BNIP1: variants seen among roughly 807,000 people sequenced by gnomAD.
BNIP1 encodes BCL2 interacting protein 1.
BNIP1 carries 25 observed loss-of-function variants against 28.5 expected under a neutral mutation model. The ratio of observed to expected loss-of-function variants is 0.88; its 90% CI spans 0.64 to 1.23. The LOEUF is 1.23. Ranked by LOEUF, BNIP1 falls within the 50% of genes most tolerant of loss-of-function variation. The pLI is 0.00. For synonymous variants in BNIP1, 118 were observed against 101.7 expected, an observed-to-expected ratio of 1.16 and a Z score of -0.96; for missense variants, 276 against 277.0, an observed-to-expected ratio of 1.00 and a Z score of 0.02.
chr5:173,160,239 CTT>C (rs10693152), intron 5 of BNIP1, among the ~76,000 whole-genome samples, 188 bp downstream of exon 5: 1 of 145,694 alleles, frequency 6.9e-6, no homozygotes, highest in African/African-American at 2.5e-5. Flanking sequence ...TCCTATTTCT[CTT>C]TTTTTTTTTT....
chr5:173,151,757 C>T, intron 2 of BNIP1: 1 of 1,602,272 alleles, frequency 6.2e-7, no homozygotes, highest in Admixed American at 1.7e-5. Context: ...TTCCTTCACT[C>T]ATTAAAATGA....
chr5:173,158,622 C>G (rs1246169438), intron 3 of BNIP1, 122 bp from the exon 4 acceptor site: 1 of 680,700 alleles, frequency 1.5e-6, no homozygotes, highest in Non-Finnish European at 2.5e-6. Context: ...GTGGGATGGG[C>G]TCTGAAGGCC....
intron 2 of BNIP1, among the ~76,000 whole-genome samples, chr5:173,153,640 CAG>C (rs1274808683): frequency 6.6e-6 from 1 of 152,126 alleles, no homozygotes; most frequent in East Asian, 1.9e-4. Context: ...TATAAATTCT[CAG>C]GGGAGTTTTT....
chr5:173,155,606 GAGA>G (rs1760161497), intron 3 of BNIP1, among the ~76,000 whole-genome samples: 1 of 152,076 alleles, frequency 6.6e-6, no homozygotes, highest in Non-Finnish European at 1.5e-5. Context: ...GCTGAGGCAG[GAGA>G]ATCGCTTGAG....
intron 2 of BNIP1, among the ~76,000 whole-genome samples, chr5:173,154,057 G>T (rs575106047): frequency 1.3e-5 from 2 of 152,188 alleles, no homozygotes; most frequent in Admixed American, 1.3e-4. Flanking sequence ...CTGACGCCAG[G>T]ACAGCCGTGC....
Position 173,160,046 on chromosome 5 carries a change from C to T in BNIP1, c.485C>T (p.Ser162Phe). 1 of 1,613,596 alleles carries T rather than the reference C, an allele frequency of 6.2e-7. No individual in the cohort carries two copies. Among genetic ancestry groups the T allele is most frequent in the Non-Finnish European group, 8.5e-7 (1 of 1,179,830 alleles). ...QVQQSEEAMQ[S>F]LVTSSRTILD... is the part of the protein sequence containing the mutation. ...CAGCAGAGCGAGGAGGCCATGCAGT[C>T]TCTAGGTAAAGCTGGGCCTGGAGTA... is the stretch of plus-strand genomic sequence containing the variant. Residue 162 changes from serine to phenylalanine, a missense_variant, in exon 5 of 6, where the codon TCT becomes TTT. Coordinates refer to ENST00000351486, the MANE Select transcript of BNIP1 (RefSeq NM_001205.3).
rs575766889 is a variant in BNIP1, at chr5:173,155,878, G to C, written c.269+1465G>C. Among the ~76,000 whole-genome samples the C allele has an allele frequency of 2.3e-4, 35 of 151,856 alleles. No homozygotes were observed. In the South Asian group the frequency reaches 6.6e-3, roughly 29 times the overall value. On this transcript the variant is annotated intron_variant, in intron 3 of 5. Transcript: ENST00000351486. ...ACTACAGCACACTCCACCGTGCCTG[G>C]CTAAATCATTCTCTTTTGAAACCCC...
intron 4 of BNIP1, 33 bp from the exon 5 acceptor site, chr5:173,159,900 A>G: frequency 6.3e-7 from 1 of 1,596,248 alleles, no homozygotes; most frequent in Non-Finnish European, 8.6e-7. Context: ...TTTTGTTGAC[A>G]TTCCTCCCCT....
intron 3 of BNIP1, among the ~76,000 whole-genome samples, chr5:173,154,615 C>G (rs1248957405): frequency 6.6e-6 from 1 of 151,994 alleles, no homozygotes; most frequent in Non-Finnish European, 1.5e-5. Context: ...CTCTGCCTCC[C>G]GAGTTCAAGC....
chr5:173,150,835 T>C (rs1361448818), intron 2 of BNIP1, among the ~76,000 whole-genome samples: 2 of 151,992 alleles, frequency 1.3e-5, no homozygotes, highest in African/African-American at 2.4e-5. Context: ...ACTTTATACT[T>C]TTGTTTTTTT....
rs1188895532 is a variant in BNIP1 at position 173,164,192 on chromosome 5, T to G, written c.*271T>G. 1 of 299,716 alleles carries G rather than the reference T, an allele frequency of 3.3e-6. No individual in the cohort carries two copies. Among genetic ancestry groups the G allele is most frequent in the Non-Finnish European group, 6.1e-6 (1 of 163,758 alleles). 18.6% of individuals were successfully genotyped at this position (299,716 alleles called of 1,614,324 possible). A position where few individuals can be genotyped will look rare whatever the true frequency, so the allele number is the denominator to read the frequency against. On this transcript the variant is annotated 3_prime_UTR_variant, in exon 6 of 6. Transcript: ENST00000351486. This position sits in a 1 kb window ranked among gnomAD's most constrained non-coding sequence, Gnocchi z 4.0. ...ATTGTGCACTATGGGAGGCCGCTGCTGCGTGGAGCACTTAAAGTCCAGCCT... is the reference window on the plus strand; with the variant it reads ...ATTGTGCACTATGGGAGGCCGCTGCGGCGTGGAGCACTTAAAGTCCAGCCT...
intron 2 of BNIP1, among the ~76,000 whole-genome samples, chr5:173,153,007 G>C (rs1323994807): frequency 6.6e-6 from 1 of 151,946 alleles, no homozygotes; most frequent in Non-Finnish European, 1.5e-5. Context: ...CCTCTTGATG[G>C]TTCTTTTATC....
At chr5:173,153,646 A>T (rs1760090826) in intron 2 of BNIP1, among the ~76,000 whole-genome samples, 1 of 152,004 alleles carries the variant, frequency 6.6e-6, no homozygotes, top group Non-Finnish European at 1.5e-5. Flanking sequence ...TTCTCAGGGG[A>T]GTTTTTTTTT....
intron 5 of BNIP1, among the ~76,000 whole-genome samples, chr5:173,160,271 G>T (rs255302): frequency 0.38 from 57,418 of 150,124 alleles, 11,762 homozygotes; most frequent in Non-Finnish European, 0.46. Context: ...TTTCGCTCTT[G>T]TTGCCCAGGT....
intron 2 of BNIP1, among the ~76,000 whole-genome samples, chr5:173,148,720 C>T (rs1390598837): frequency 1.3e-5 from 2 of 151,046 alleles, no homozygotes; most frequent in African/African-American, 2.4e-5. Flanking sequence ...TCATGCCCCT[C>T]TACTTGAAGC....
chr5:173,144,586 A>C lies in BNIP1; in HGVS notation c.41A>C (p.Gln14Pro), dbSNP rs574543486. 2.3e-5 allele frequency: 37 copies of C among 1,614,104 alleles called. No individual in the cohort carries two copies. In the South Asian group the frequency reaches 3.6e-4, roughly 16 times the overall value. ...PQDVHVRICN[Q>P]EIVKFDLEVK... ...GACGTCCACGTCCGGATCTGTAACC[A>C]AGAGATTGTCAAATTTGACCTGGAG... Residue 14 changes from glutamine (Q) to proline (P), a missense_variant, in exon 1 of 6, where the codon CAA becomes CCA. Physicochemically the swap from Gln to Pro is moderately conservative, Grantham distance 76. Transcript: ENST00000351486.
At chr5:173,152,470 C>T (rs1380032778) in intron 2 of BNIP1, among the ~76,000 whole-genome samples, 1 of 152,126 alleles carries the variant, frequency 6.6e-6, no homozygotes, top group Non-Finnish European at 1.5e-5. Context: ...CTGCCTCAGC[C>T]TCCCGAGTAC....
At chr5:173,153,145 T>C (rs1474787388) in intron 2 of BNIP1, among the ~76,000 whole-genome samples, 2 of 151,928 alleles carry the variant, frequency 1.3e-5, no homozygotes, top group Non-Finnish European at 2.9e-5. Context: ...TGAGGGACTT[T>C]GTGCAGCTGG....
intron 2 of BNIP1, among the ~76,000 whole-genome samples, chr5:173,153,214 T>G (rs1455001629): frequency 1.3e-5 from 2 of 151,846 alleles, no homozygotes; most frequent in Non-Finnish European, 2.9e-5. Context: ...TCTCCTGAGA[T>G]GATCACAAGT....
Sources: gnomAD v4.1 joint callset for allele counts (sites outside exome capture counted in the v4.1 genomes callset) on GRCh38, gnomAD v4.1.1 for gene constraint, Gnocchi (gnomAD v3.1) non-coding constraint, MANE v1.5 for transcripts, NCBI Gene and HGNC (gene_info 2026-07-23, HGNC 2026-07-21) for gene names.